Variants in SH3RF1 observed in about 807,000 individuals in gnomAD.
SH3RF1 encodes SH3 domain containing ring finger 1.
Under a neutral mutation model 74.0 loss-of-function variants are expected in SH3RF1, and 32 were observed. That is an observed-to-expected ratio of 0.43 (90% confidence interval 0.33 to 0.58). The LOEUF is 0.58. Ranked by LOEUF, SH3RF1 falls within the 20% of genes least tolerant of loss-of-function variation. The pLI is 0.05. For synonymous variants in SH3RF1, 396 were observed against 439.6 expected (o/e 0.90, Z 1.24); for missense variants, 954 against 1,130.9 (o/e 0.84, Z 2.24).
intron 10 of SH3RF1, among the ~76,000 whole-genome samples, chr4:169,113,984 ACAGCTGTCTGAAGATGG>A (rs1343646837): frequency 6.6e-6 from 1 of 152,184 alleles, no homozygotes; most frequent in African/African-American, 2.4e-5. Flanking sequence ...GAGTTGAGTT[ACAGCTGTCTGAAGATGG>A]CACAGGGCAG....
At chr4:169,187,925 C>T (rs1223554614) in intron 2 of SH3RF1, among the ~76,000 whole-genome samples, 1 of 152,040 alleles carries the variant, frequency 6.6e-6, no homozygotes, top group Non-Finnish European at 1.5e-5. Context: ...TGTGTGGACC[C>T]TAAATCCAAT....
chr4:169,243,070 T>A (rs534507472), intron 2 of SH3RF1, among the ~76,000 whole-genome samples: 1 of 152,222 alleles, frequency 6.6e-6, no homozygotes, highest in African/African-American at 2.4e-5. Flanking sequence ...TCAAACCCCT[T>A]CTCCCAAATC....
intron 4 of SH3RF1, 22 bp from the exon 5 acceptor site, chr4:169,136,642 C>A: frequency 6.8e-7 from 1 of 1,479,536 alleles, no homozygotes; most frequent in South Asian, 1.5e-5. Flanking sequence ...ACCAACAAAC[C>A]AACACAAGAA....
chr4:169,202,929 AG>A (rs1350676946), intron 2 of SH3RF1, among the ~76,000 whole-genome samples: 2 of 152,222 alleles, frequency 1.3e-5, no homozygotes. Context: ...ATATATCTAA[AG>A]GAAGAAGACA....
chr4:169,109,299 A>G (rs900041406), intron 10 of SH3RF1, among the ~76,000 whole-genome samples: 1 of 152,262 alleles, frequency 6.6e-6, no homozygotes, highest in Non-Finnish European at 1.5e-5. Flanking sequence ...CTGAGCACTC[A>G]GTAAAATATC....
intron 10 of SH3RF1, among the ~76,000 whole-genome samples, chr4:169,110,293 A>C (rs1460814565): frequency 3.3e-5 from 5 of 151,992 alleles, no homozygotes. Flanking sequence ...TTCAGGCTGC[A>C]GTGAGGTATG....
intron 2 of SH3RF1, among the ~76,000 whole-genome samples, chr4:169,160,730 G>A (rs1413220813): frequency 1.3e-5 from 2 of 152,148 alleles, no homozygotes; most frequent in Non-Finnish European, 2.9e-5. Context: ...ATTCTACTCT[G>A]ATTTTAAATC....
intron 2 of SH3RF1, among the ~76,000 whole-genome samples, chr4:169,241,390 G>A (rs979998479): frequency 2.6e-5 from 4 of 152,198 alleles, no homozygotes; most frequent in African/African-American, 4.8e-5. Context: ...CCCTTCAGCC[G>A]AAAGGCAGTG....
chr4:169,228,504 GT>G (rs1164677608), intron 2 of SH3RF1, among the ~76,000 whole-genome samples: 1 of 152,114 alleles, frequency 6.6e-6, no homozygotes, highest in African/African-American at 2.4e-5. Context: ...AGGAGGTTGA[GT>G]TCCTCATCAC....
At chr4:169,216,095 T>C (rs1730457789) in intron 2 of SH3RF1, among the ~76,000 whole-genome samples, 1 of 152,280 alleles carries the variant, frequency 6.6e-6, no homozygotes, top group Non-Finnish European at 1.5e-5. Flanking sequence ...TGAGCCACCA[T>C]GCCCAGCCTA....
intron 8 of SH3RF1, among the ~76,000 whole-genome samples, chr4:169,119,582 T>C (rs1360625262): frequency 6.6e-6 from 1 of 152,238 alleles, no homozygotes; most frequent in East Asian, 1.9e-4. Flanking sequence ...AGGGAGGTTC[T>C]ATCTGTCATT....
intron 2 of SH3RF1, among the ~76,000 whole-genome samples, chr4:169,218,486 TTA>T (rs1730504446): frequency 1.4e-5 from 2 of 145,664 alleles, no homozygotes; most frequent in Non-Finnish European, 3.0e-5. Flanking sequence ...ATTATATATT[TTA>T]TATATAGTAT....
chr4:169,140,758 A>G lies in SH3RF1; in HGVS notation c.766-4138T>C, dbSNP rs914392728. ...AAAGAGAAAAAATTTTTTAATAAGA[A>G]CTAAGTTGAATAGTTACTATTTTAT... is the stretch of plus-strand genomic sequence containing the variant. On this transcript the variant is annotated intron_variant, in intron 4 of 11. Transcript: ENST00000284637. 2.0e-5 allele frequency among the ~76,000 whole-genome samples: 3 copies of G among 152,180 alleles called. No homozygotes were observed. In the East Asian group the frequency reaches 5.8e-4, roughly 29 times the overall value.
chr4:169,185,273 A>T (rs1169020859), intron 2 of SH3RF1, among the ~76,000 whole-genome samples: 3 of 152,146 alleles, frequency 2.0e-5, no homozygotes, highest in Non-Finnish European at 4.4e-5. Flanking sequence ...ATGCAGGGAG[A>T]ACAGCCAAGA....
chr4:169,221,195 A>G (rs970224497), intron 2 of SH3RF1, among the ~76,000 whole-genome samples: 4 of 152,210 alleles, frequency 2.6e-5, no homozygotes, highest in African/African-American at 9.7e-5. Context: ...ACAAAACCGC[A>G]GGCAAGTCAA....
rs570000508 is a variant in SH3RF1, at chr4:169,218,315, G to T, written c.393+50505C>A. ...ATATATAATATAAATATAGAATATA[G>T]AATATAGAATACAGATTATAGAATA... On this transcript the variant is annotated intron_variant, in intron 2 of 11. Coordinates refer to ENST00000284637, the MANE Select transcript of SH3RF1 (RefSeq NM_020870.4). Among the ~76,000 whole-genome samples the T allele has an allele frequency of 7.1e-3, 529 of 74,414 alleles. 3 individuals are homozygous for T. Among genetic ancestry groups the T allele is most frequent in the African/African-American group, 0.018 (494 of 28,142 alleles). The allele number at this position is 74,414 out of a possible 152,430, so 48.8% of individuals were successfully genotyped here.
intron 2 of SH3RF1, among the ~76,000 whole-genome samples, chr4:169,195,138 A>C (rs1734789171): frequency 6.6e-6 from 1 of 152,168 alleles, no homozygotes; most frequent in African/African-American, 2.4e-5. Context: ...AGTTTGGCTG[A>C]AAATGTCTTT....
At chr4:169,134,807 A>C (rs950619131) in intron 5 of SH3RF1, among the ~76,000 whole-genome samples, 1 of 152,196 alleles carries the variant, frequency 6.6e-6, no homozygotes, top group Admixed American at 6.5e-5. Context: ...ATACATGTTG[A>C]GTGCTTTCTG....
intron 2 of SH3RF1, among the ~76,000 whole-genome samples, chr4:169,224,929 C>T (rs928254929): frequency 2.0e-5 from 3 of 152,118 alleles, no homozygotes; most frequent in Non-Finnish European, 2.9e-5. Context: ...TAAGGGACAT[C>T]GAGTCTCATT....
Sources: gnomAD v4.1 joint callset for allele counts (sites outside exome capture counted in the v4.1 genomes callset) on GRCh38, gnomAD v4.1.1 for gene constraint, MANE v1.5 for transcripts, NCBI Gene and HGNC (gene_info 2026-07-23, HGNC 2026-07-21) for gene names.